EFR3A: variants seen among roughly 807,000 people sequenced by gnomAD.
The protein encoded by EFR3A is EFR3 homolog A.
In EFR3A, 76 loss-of-function variants were observed where a neutral mutation model predicts 104.4. The observed-to-expected ratio is 0.73, with a 90% CI of 0.60 to 0.88. The LOEUF (loss-of-function observed/expected upper bound fraction) is 0.88. Ranked by LOEUF, EFR3A falls within the 40% of genes least tolerant of loss-of-function variation. The pLI, the probability that EFR3A is intolerant of heterozygous loss-of-function variation, is 0.00. For synonymous variants in EFR3A, 330 were observed against 330.0 expected (o/e 1.00, Z 0.00); for missense variants, 985 against 1,012.5 (o/e 0.97, Z 0.37).
At chr8:131,981,214 A>C (rs2130742001) in intron 14 of EFR3A, among the ~76,000 whole-genome samples, 1 of 152,128 alleles carries the variant, frequency 6.6e-6, no homozygotes, top group African/African-American at 2.4e-5. Context: ...ATGAACATTG[A>C]GACTGGATTT....
intron 1 of EFR3A, among the ~76,000 whole-genome samples, chr8:131,931,159 G>T (rs1052860694): frequency 2.4e-4 from 37 of 152,092 alleles, no homozygotes; most frequent in African/African-American, 8.9e-4. Context: ...TGGGGGCAGG[G>T]AGTATTCACT....
chr8:131,996,427 GA>G lies in EFR3A; in HGVS notation c.2092del (p.Ser698AlafsTer34). Reference protein sequence around the residue: ...QVTDEDRLSRRKSIVDTVSIQ... With the variant: ...QVTDEDRLSRXKSIVDTVSIQ... ...TTAGATGAAGATCGACTTTCTAGAA[GA>G]AAAAGCATTGTGGACACCGTATCCA... On this transcript the variant is annotated frameshift_variant, in exon 19 of 23. Coordinates refer to ENST00000254624, the MANE Select transcript of EFR3A (RefSeq NM_015137.6). LOFTEE classifies it high-confidence loss of function. 6.3e-7 allele frequency: 1 copy of G among 1,589,830 alleles called. No individual in the cohort carries two copies. The highest frequency in any genetic ancestry group is 8.5e-7 in the Non-Finnish European group (1 of 1,169,680).
chr8:131,946,075 T>C (rs1194330170), intron 3 of EFR3A, among the ~76,000 whole-genome samples: 3 of 152,026 alleles, frequency 2.0e-5, no homozygotes, highest in Non-Finnish European at 4.4e-5. Context: ...TTGCTGATAG[T>C]GTTTTATCTA....
intron 1 of EFR3A, among the ~76,000 whole-genome samples, chr8:131,920,437 A>C (rs2130438040): frequency 6.6e-6 from 1 of 152,216 alleles, no homozygotes; most frequent in East Asian, 1.9e-4. Context: ...TTTCTTTCTC[A>C]CATGTTCTTG....
At chr8:131,917,213 C>A (rs1402377298) in intron 1 of EFR3A, among the ~76,000 whole-genome samples, 2 of 152,218 alleles carry the variant, frequency 1.3e-5, no homozygotes, top group African/African-American at 4.8e-5. Flanking sequence ...ACACAAGGAA[C>A]TGAGGGACAT....
chr8:131,979,148 G>A (rs1820472586), intron 13 of EFR3A, 129 bp downstream of exon 13: 2 of 1,115,330 alleles, frequency 1.8e-6, no homozygotes, highest in South Asian at 1.8e-5. Flanking sequence ...TATTTAATTG[G>A]TATTGAGATA....
rs751423055 is a variant in EFR3A, at chr8:131,979,330, T to C, written c.1500-16T>C. 18 of 1,517,428 alleles carry C rather than the reference T, an allele frequency of 1.2e-5. No homozygotes were observed. Among genetic ancestry groups the C allele is most frequent in the Admixed American group, 1.0e-4 (5 of 49,460 alleles). 94.0% of individuals were successfully genotyped at this position (1,517,428 alleles called of 1,614,324 possible). A position where few individuals can be genotyped will look rare whatever the true frequency, so the allele number is the denominator to read the frequency against. ...AGTGTGCTATTCATTAAAAATGATA[T>C]ATTGATCGTCTCTAGAATAATACCG... is the stretch of plus-strand genomic sequence containing the variant. On this transcript the variant is annotated splice_polypyrimidine_tract_variant and intron_variant, in intron 13 of 22. Coordinates refer to ENST00000254624, the MANE Select transcript of EFR3A (RefSeq NM_015137.6).
intron 1 of EFR3A, among the ~76,000 whole-genome samples, chr8:131,932,038 T>C (rs1264865177): frequency 6.6e-6 from 1 of 152,034 alleles, no homozygotes; most frequent in African/African-American, 2.4e-5. Context: ...ATAAATTCCT[T>C]TGAAGCTTGA....
intron 17 of EFR3A, among the ~76,000 whole-genome samples, chr8:131,986,931 G>A (rs933191610): frequency 3.3e-5 from 5 of 151,920 alleles, no homozygotes; most frequent in African/African-American, 9.7e-5. Context: ...TGTTGAAGAC[G>A]TTCAGTAATA....
At chr8:131,919,567 G>T (rs964611395) in intron 1 of EFR3A, among the ~76,000 whole-genome samples, 3 of 141,030 alleles carry the variant, frequency 2.1e-5, no homozygotes, top group African/African-American at 8.1e-5. Context: ...CTGCACTCCA[G>T]CCTGGGCGAC....
intron 8 of EFR3A, among the ~76,000 whole-genome samples, chr8:131,965,381 A>G (rs549340119): frequency 6.6e-6 from 1 of 151,164 alleles, no homozygotes; most frequent in South Asian, 2.1e-4. Flanking sequence ...GAAAAAAACA[A>G]CATCAACAAG....
chr8:132,000,498 T>A lies in EFR3A; in HGVS notation c.2158-1261T>A, dbSNP rs533554262. ...AATTAAGGCAAACAGGGACAAAAAG[T>A]GAAGAGTTAGTAGGGTAAGGTATTT... On this transcript the variant is annotated intron_variant, in intron 19 of 22. Transcript: ENST00000254624. 1.8e-3 allele frequency among the ~76,000 whole-genome samples: 279 copies of A among 152,250 alleles called. 2 individuals are homozygous for A. Among genetic ancestry groups the A allele is most frequent in the African/African-American group, 6.5e-3 (271 of 41,544 alleles).
intron 1 of EFR3A, among the ~76,000 whole-genome samples, chr8:131,925,612 AG>A (rs1817257446): frequency 6.6e-6 from 1 of 152,130 alleles, no homozygotes; most frequent in South Asian, 2.1e-4. Flanking sequence ...AATCTGAATG[AG>A]GAAGTTCTTA....
At chr8:131,971,723 C>A (rs1435042541) in intron 10 of EFR3A, among the ~76,000 whole-genome samples, 1 of 151,878 alleles carries the variant, frequency 6.6e-6, no homozygotes, top group Non-Finnish European at 1.5e-5. Context: ...ATATTCCTGA[C>A]TGGAATACTA....
intron 1 of EFR3A, among the ~76,000 whole-genome samples, chr8:131,907,465 T>C (rs1197900099): frequency 6.6e-6 from 1 of 152,262 alleles, no homozygotes; most frequent in East Asian, 1.9e-4. Context: ...AACTATACTT[T>C]GAGTAATTAT....
Position 131,984,302 on chromosome 8 carries a change from T to C in EFR3A, c.1737+2T>C, listed in dbSNP as rs1187644814. On this transcript the variant is annotated splice_donor_variant, in intron 15 of 22. Coordinates refer to ENST00000254624, the MANE Select transcript of EFR3A (RefSeq NM_015137.6). LOFTEE classifies it high-confidence loss of function. Reference sequence around the variant, plus strand: ...ATTCGACTGGCCATTGCTTTACAGGTATGCTTTCATAACCGTTCACTGCAG... The same window carrying C: ...ATTCGACTGGCCATTGCTTTACAGGCATGCTTTCATAACCGTTCACTGCAG... The C allele has an allele frequency of 6.3e-7, 1 of 1,577,652 alleles. No homozygotes were observed. Among genetic ancestry groups the C allele is most frequent in the Non-Finnish European group, 8.6e-7 (1 of 1,164,050 alleles).
intron 19 of EFR3A, among the ~76,000 whole-genome samples, chr8:131,998,852 A>G (rs550443456): frequency 2.0e-5 from 3 of 152,050 alleles, no homozygotes; most frequent in South Asian, 2.1e-4. Context: ...ATGCATATAT[A>G]TGCACACTAC....
intron 1 of EFR3A, among the ~76,000 whole-genome samples, chr8:131,905,132 T>C (rs747464810): frequency 3.3e-5 from 5 of 152,208 alleles, no homozygotes. Context: ...TCAATGTGGA[T>C]ATGTGCAAAC....
intron 1 of EFR3A, among the ~76,000 whole-genome samples, chr8:131,907,681 T>C (rs1816317223): frequency 6.6e-6 from 1 of 152,202 alleles, no homozygotes; most frequent in Non-Finnish European, 1.5e-5. Context: ...GTTTTCCTTT[T>C]AGAGACACAT....
Sources: allele counts gnomAD v4.1 joint callset (sites outside exome capture counted in the v4.1 genomes callset), GRCh38; gene constraint gnomAD v4.1.1; transcripts MANE v1.5; gene names NCBI Gene and HGNC (gene_info 2026-07-23, HGNC 2026-07-21).